The following SLC30A7 variants were observed in gnomAD, a reference collection of about 807,000 sequenced individuals.
SLC30A7 encodes solute carrier family 30 member 7, also known as zinc transporter 7.
SLC30A7 carries 35 observed loss-of-function variants against 46.0 expected under a neutral mutation model. That is an observed-to-expected ratio of 0.76 (90% CI 0.58 to 1.01). SLC30A7 has a LOEUF of 1.01. SLC30A7 is among the 50% of genes least tolerant of loss of function. The probability of loss-of-function intolerance (pLI) is 0.00; values close to 1 mark genes in which losing one functional copy is unlikely to be tolerated. For missense variants in SLC30A7, 464 were observed against 451.1 expected (o/e 1.03, Z -0.26); for synonymous variants, 147 against 157.8 (o/e 0.93, Z 0.51).
intron 10 of SLC30A7, among the ~76,000 whole-genome samples, chr1:100,970,175 A>G (rs532860565): frequency 3.1e-4 from 47 of 152,258 alleles, no homozygotes; most frequent in African/African-American, 1.1e-3. Flanking sequence ...ATTTTTTTCA[A>G]TAATAAGTTA....
At chr1:100,926,969 T>C (rs1360937622) in intron 8 of SLC30A7, among the ~76,000 whole-genome samples, 4 of 152,188 alleles carry the variant, frequency 2.6e-5, no homozygotes, top group African/African-American at 9.7e-5. Flanking sequence ...AATATGGGAC[T>C]GTTCAGAGGA....
intron 10 of SLC30A7, among the ~76,000 whole-genome samples, chr1:100,971,227 C>T (rs1003011923): frequency 1.3e-5 from 2 of 152,126 alleles, no homozygotes; most frequent in Non-Finnish European, 2.9e-5. Context: ...CTTCCTGTGG[C>T]TTTATCTAAC....
Position 100,911,167 on chromosome 1 carries a change from T to C in SLC30A7, c.384+17T>C. On this transcript the variant is annotated intron_variant, in intron 4 of 10. Transcript: ENST00000357650. Reference sequence around the variant, plus strand: ...GGAGTTGAGGTATAGTAGATAATTATTAAAGTCAGTAAATTACATTTCTGT... The same window carrying C: ...GGAGTTGAGGTATAGTAGATAATTACTAAAGTCAGTAAATTACATTTCTGT... 1 of 1,491,022 alleles carries C rather than the reference T, an allele frequency of 6.7e-7. No homozygotes were observed. The highest frequency in any genetic ancestry group is 9.2e-7 in the Non-Finnish European group (1 of 1,081,732). The allele number at this position is 1,491,022 out of a possible 1,614,324, so 92.4% of individuals were successfully genotyped here.
At chr1:100,907,748 C>G (rs1263087978) in intron 3 of SLC30A7, among the ~76,000 whole-genome samples, 1 of 151,228 alleles carries the variant, frequency 6.6e-6, no homozygotes, top group Non-Finnish European at 1.5e-5. Flanking sequence ...CTTTTACATT[C>G]TCTTCCTTCT....
intron 8 of SLC30A7, among the ~76,000 whole-genome samples, chr1:100,953,696 A>G (rs1344644148): frequency 6.6e-6 from 1 of 152,046 alleles, no homozygotes; most frequent in Non-Finnish European, 1.5e-5. Flanking sequence ...TTCCTGTCTG[A>G]TCTTCTCTCA....
chr1:100,916,009 T>C (rs1172738736), intron 6 of SLC30A7, among the ~76,000 whole-genome samples: 1 of 152,172 alleles, frequency 6.6e-6, no homozygotes, highest in Non-Finnish European at 1.5e-5. Context: ...TGATTTGCAT[T>C]TCCCTGATGA....
chr1:100,979,299 AT>A lies in SLC30A7; in HGVS notation c.*4443del, dbSNP rs1463465208. 5 of 152,006 alleles carry A rather than the reference AT, an allele frequency of 3.3e-5. No homozygotes were observed. Among genetic ancestry groups the A allele is most frequent in the South Asian group, 2.1e-4 (1 of 4,826 alleles). The allele number at this position is 152,006 out of a possible 1,614,324, so 9.4% of individuals were successfully genotyped here. On this transcript the variant is annotated 3_prime_UTR_variant, in exon 11 of 11. Coordinates refer to ENST00000357650, the MANE Select transcript of SLC30A7 (RefSeq NM_133496.5). ...CATAAGAACTTTGGTAAAAAAAAAA[AT>A]AAAAGGAAATTATATGTTTTTCTTT... is the stretch of plus-strand genomic sequence containing the variant.
At chr1:100,937,898 G>C (rs2101053194) in intron 8 of SLC30A7, among the ~76,000 whole-genome samples, 1 of 152,168 alleles carries the variant, frequency 6.6e-6, no homozygotes, top group South Asian at 2.1e-4. Flanking sequence ...ATTTTATTCT[G>C]AGTTAATTTT....
chr1:100,978,668 G>A lies in SLC30A7; in HGVS notation c.*3811G>A, dbSNP rs1160626616. The A allele has an allele frequency of 2.6e-5, 4 of 152,258 alleles. No homozygotes were observed. Among genetic ancestry groups the A allele is most frequent in the African/African-American group, 9.6e-5 (4 of 41,558 alleles). The allele number at this position is 152,258 out of a possible 1,614,324, so 9.4% of individuals were successfully genotyped here. A position where few individuals can be genotyped will look rare whatever the true frequency, so the allele number is the denominator to read the frequency against. ...TCTCCAGTGTAATATTTGCCTTTCT[G>A]TAAATGGGATTAAATATGATTTGTA... On this transcript the variant is annotated 3_prime_UTR_variant, in exon 11 of 11. Coordinates refer to ENST00000357650, the MANE Select transcript of SLC30A7 (RefSeq NM_133496.5).
rs1656510714 is a variant in SLC30A7 at position 100,976,396 on chromosome 1, G to A, written c.*1539G>A. 6.6e-6 allele frequency: 1 copy of A among 152,210 alleles called. No individual in the cohort carries two copies. The highest frequency in any genetic ancestry group is 1.5e-5 in the Non-Finnish European group (1 of 68,032). 9.4% of individuals were successfully genotyped at this position (152,210 alleles called of 1,614,324 possible). A position where few individuals can be genotyped will look rare whatever the true frequency, so the allele number is the denominator to read the frequency against. On this transcript the variant is annotated 3_prime_UTR_variant, in exon 11 of 11. Coordinates refer to ENST00000357650, the MANE Select transcript of SLC30A7 (RefSeq NM_133496.5). ...ATTAAAGGTACAGAGGAAATGTGGT[G>A]ATGTAGAACTTTTCCTAACACAGGT...
At chr1:100,954,444 C>G (rs1357682823) in intron 8 of SLC30A7, among the ~76,000 whole-genome samples, 2 of 152,154 alleles carry the variant, frequency 1.3e-5, no homozygotes, top group Middle Eastern at 3.4e-3. Flanking sequence ...CTATTAAGTG[C>G]TATCTAAACA....
At chr1:100,915,074 C>T (rs887825022) in intron 6 of SLC30A7, among the ~76,000 whole-genome samples, 2 of 151,922 alleles carry the variant, frequency 1.3e-5, no homozygotes, top group Non-Finnish European at 2.9e-5. Flanking sequence ...TAAACATATC[C>T]GTTCCCACTG....
At chr1:100,992,207 T>C in the SLC30A7 span, among the ~76,000 whole-genome samples, 1 of 152,176 alleles carries the variant, frequency 6.6e-6, no homozygotes, top group Non-Finnish European at 1.5e-5. Flanking sequence ...TTTTCTCTTA[T>C]ATTTACCCTG....
intron 7 of SLC30A7, among the ~76,000 whole-genome samples, chr1:100,919,304 A>C (rs1652802467): frequency 6.6e-6 from 1 of 152,106 alleles, no homozygotes; most frequent in Admixed American, 6.5e-5. Flanking sequence ...CTTTATTGTC[A>C]GGGTTTCCTA....
chr1:100,906,351 A>G (rs913329362), intron 2 of SLC30A7, among the ~76,000 whole-genome samples: 3 of 152,038 alleles, frequency 2.0e-5, no homozygotes, highest in Admixed American at 2.0e-4. Context: ...AAGCCTGTGC[A>G]CCTCAGTGTC....
chr1:100,931,053 T>C (rs1653635360), intron 8 of SLC30A7, among the ~76,000 whole-genome samples: 1 of 152,122 alleles, frequency 6.6e-6, no homozygotes, highest in Non-Finnish European at 1.5e-5. Flanking sequence ...TTGGTTCAGA[T>C]GAGGAACCCT....
chr1:100,961,868 C>G lies in SLC30A7; in HGVS notation c.883C>G (p.Gln295Glu), dbSNP rs1478967783. 1 of 1,608,082 alleles carries G rather than the reference C, an allele frequency of 6.2e-7. No individual in the cohort carries two copies. ...AAGAGAATCTGTTGGAATATTAATG[C>G]AGAGAACTCCTCCCCTATTAGAAAA... ...LLRESVGILM[Q>E]RTPPLLENSL... The change falls in exon 9 of 11, where the codon CAG becomes GAG. Residue 295 changes from glutamine to glutamate, a missense_variant. By Grantham distance (29) the Gln-to-Glu change is conservative. Coordinates refer to ENST00000357650, the MANE Select transcript of SLC30A7 (RefSeq NM_133496.5).
chr1:100,961,732 A>C (rs903748308), intron 8 of SLC30A7, 96 bp from the exon 9 acceptor site: 4 of 601,912 alleles, frequency 6.6e-6, no homozygotes, highest in Non-Finnish European at 1.1e-5. Flanking sequence ...CGTAAGTCCT[A>C]TTATATTCTA....
intron 8 of SLC30A7, among the ~76,000 whole-genome samples, chr1:100,945,688 A>G (rs1333371699): frequency 6.6e-6 from 1 of 152,144 alleles, no homozygotes; most frequent in Non-Finnish European, 1.5e-5. Context: ...TGGTTACTGT[A>G]GCCTCATAGT....
Sources: allele counts gnomAD v4.1 joint callset (sites outside exome capture counted in the v4.1 genomes callset), GRCh38; gene constraint gnomAD v4.1.1; transcripts MANE v1.5; gene names NCBI Gene and HGNC (gene_info 2026-07-23, HGNC 2026-07-21).